The following DNASE1 variants were observed in gnomAD, a reference collection of about 807,000 sequenced individuals.
DNASE1 encodes deoxyribonuclease 1.
DNASE1 carries 40 observed loss-of-function variants against 33.9 expected under a neutral mutation model. That is an observed-to-expected ratio of 1.18 (90% confidence interval 0.92 to 1.54). The LOEUF is 1.54. Ranked by LOEUF, DNASE1 falls within the 40% of genes most tolerant of loss-of-function variation. The pLI is 0.00. For synonymous variants in DNASE1, 216 were observed against 160.0 expected, an observed-to-expected ratio of 1.35 and a Z score of -2.64; for missense variants, 518 against 372.6, an observed-to-expected ratio of 1.39 and a Z score of -3.21.
chr16:3,657,570 AC>A, intron 7 of DNASE1, 149 bp from the exon 8 acceptor site: 1 of 1,243,438 alleles, frequency 8.0e-7, no homozygotes, highest in Non-Finnish European at 1.1e-6. Context: ...TGTGGTTTCC[AC>A]ATTGAGGGGC....
chr16:3,659,652 C>A (rs1375949231), downstream of DNASE1: 1 of 152,088 alleles, frequency 6.6e-6, no homozygotes, highest in African/African-American at 2.4e-5. Context: ...TACAACCTCT[C>A]CAGAGGACAA....
downstream of DNASE1, chr16:3,658,280 C>T (rs571604280): frequency 2.7e-4 from 376 of 1,375,370 alleles, 4 homozygotes; most frequent in African/African-American, 4.7e-3. Flanking sequence ...GGCACCTTTT[C>T]ATTTTTTTTT....
chr16:3,660,658 C>T (rs982989508), downstream of DNASE1: 5 of 152,204 alleles, frequency 3.3e-5, no homozygotes, highest in Non-Finnish European at 5.9e-5. Context: ...AGCCTTTCCC[C>T]AGGAGTGCCA....
chr16:3,627,592 T>A (rs2151171749), intron 1 of DNASE1, among the ~76,000 whole-genome samples: 1 of 152,308 alleles, frequency 6.6e-6, no homozygotes, highest in Non-Finnish European at 1.5e-5. Flanking sequence ...TTGTTTCCTA[T>A]GACTTTGATA....
intron 1 of DNASE1, among the ~76,000 whole-genome samples, chr16:3,613,741 C>G (rs2040992364): frequency 1.3e-5 from 2 of 151,866 alleles, no homozygotes; most frequent in Middle Eastern, 3.4e-3. Flanking sequence ...AATAATTTCT[C>G]TTTCCTTCCT....
rs1449997411 is a variant in DNASE1 at position 3,657,111 on chromosome 16, G to A, written c.549G>A (p.Glu183=). The change falls in exon 6 of 9, where the codon GAG becomes GAA. Residue 183 remains glutamate, a splice_region_variant and synonymous_variant. Coordinates refer to ENST00000246949, the MANE Select transcript of DNASE1 (RefSeq NM_005223.4). ...ATGTCCAAGAGAAATGGGGCTTGGA[G>A]GTGAGGCCCTCCCAGGGGCAGTGGG... The part of the protein sequence containing the change: ...YLDVQEKWGL[E]DVMLMGDFNA... 5 of 1,614,016 alleles carry A rather than the reference G, an allele frequency of 3.1e-6. No homozygotes were observed. The African/African-American group carries it at 5.3e-5, about 17-fold the overall frequency.
chr16:3,663,765 A>G (rs906893769), exon 10 of DNASE1: 6 of 611,156 alleles, frequency 9.8e-6, no homozygotes, highest in Non-Finnish European at 1.7e-5. Flanking sequence ...AGGCAGAAGC[A>G]CTCCACGCAT....
intron 1 of DNASE1, among the ~76,000 whole-genome samples, chr16:3,613,657 G>C (rs540647919): frequency 6.6e-6 from 1 of 152,350 alleles, no homozygotes; most frequent in South Asian, 2.1e-4. Context: ...AGAGGCAAGG[G>C]TAGGGCAGGG....
intron 3 of DNASE1, 74 bp downstream of exon 3, chr16:3,656,011 A>C (rs1351183278): frequency 5.6e-6 from 9 of 1,609,920 alleles, no homozygotes; most frequent in Non-Finnish European, 7.6e-6. Context: ...TTGGGCCCCA[A>C]GGGTGGGGAC....
At chr16:3,615,422 TGTTA>T (rs1425624580) in intron 1 of DNASE1, among the ~76,000 whole-genome samples, 2 of 152,156 alleles carry the variant, frequency 1.3e-5, no homozygotes, top group African/African-American at 4.8e-5. Context: ...GGGTTCATGC[TGTTA>T]GTTAGAAGTC....
Position 3,658,053 on chromosome 16 carries a change from C to G in DNASE1, c.*100C>G. On this transcript the variant is annotated 3_prime_UTR_variant, in exon 9 of 9. Coordinates refer to ENST00000246949, the MANE Select transcript of DNASE1 (RefSeq NM_005223.4). ...AACACACACTCGGGTTAAGAAATAC[C>G]TTTAAATTTAGGTAAATAAAGCTCA... 6.2e-7 allele frequency: 1 copy of G among 1,607,810 alleles called. No individual in the cohort carries two copies. The highest frequency in any genetic ancestry group is 1.1e-5 in the South Asian group (1 of 90,550).
rs577643596 is a variant in DNASE1, at chr16:3,633,819, A to T, written c.-1358-6896A>T. ...AAGCGAAATTATTATTTTTATTATT[A>T]TTTTTTTAAGACCGAGTCTCGCTCT... On this transcript the variant is annotated intron_variant and NMD_transcript_variant, in intron 1 of 11. Transcript: ENST00000570769. Among the ~76,000 whole-genome samples the T allele has an allele frequency of 1.8e-3, 275 of 151,732 alleles. 3 individuals carry two copies. Among genetic ancestry groups the T allele is most frequent in the African/African-American group, 6.3e-3 (259 of 41,390 alleles).
At chr16:3,628,589 G>T (rs185365574) in intron 1 of DNASE1, among the ~76,000 whole-genome samples, 6 of 150,646 alleles carry the variant, frequency 4.0e-5, no homozygotes, top group Non-Finnish European at 1.5e-5. Flanking sequence ...ATGGAATCTC[G>T]CTGTGTCGCC....
rs566802223 is a variant in DNASE1 at position 3,664,811 on chromosome 16, G to T, written c.*6858G>T. 1.2e-3 allele frequency: 295 copies of T among 239,072 alleles called. 3 individuals carry two copies. The highest frequency in any genetic ancestry group is 6.4e-3 in the African/African-American group (275 of 43,008). 14.8% of individuals were successfully genotyped at this position (239,072 alleles called of 1,614,324 possible). ...TCAGTGACAGAGTCAGTCTCTGGTGGGCACACGGACACGGGTGAAGTCCAC... is the reference window on the plus strand; with the variant it reads ...TCAGTGACAGAGTCAGTCTCTGGTGTGCACACGGACACGGGTGAAGTCCAC... On this transcript the variant is annotated 3_prime_UTR_variant, in exon 10 of 10. Coordinates refer to the DNASE1 transcript ENST00000407479.
chr16:3,623,166 T>C (rs1290984250), intron 1 of DNASE1, among the ~76,000 whole-genome samples: 2 of 152,122 alleles, frequency 1.3e-5, no homozygotes, highest in Non-Finnish European at 1.5e-5. Flanking sequence ...TGGGACAGAA[T>C]AGAGAACCCA....
chr16:3,612,593 G>T (rs1228505180), intron 1 of DNASE1, among the ~76,000 whole-genome samples: 19 of 143,426 alleles, frequency 1.3e-4, no homozygotes, highest in South Asian at 6.8e-4. Context: ...GGTGGGGGCG[G>T]GGGGGGGAGT....
At chr16:3,652,679 T>A (rs1396594601), upstream of DNASE1, 2 of 152,360 alleles carry the variant, frequency 1.3e-5, no homozygotes, top group African/African-American at 4.8e-5. Flanking sequence ...GGCGTGTCTT[T>A]ATGGAATGGG....
At chr16:3,619,578 G>A (rs1406698176) in intron 1 of DNASE1, among the ~76,000 whole-genome samples, 1 of 143,884 alleles carries the variant, frequency 7.0e-6, no homozygotes, top group Non-Finnish European at 1.5e-5. Flanking sequence ...AGCCAGGATG[G>A]TCTCTATCTG....
At chr16:3,636,557 C>T (rs1255873223) in intron 1 of DNASE1, among the ~76,000 whole-genome samples, 1 of 152,146 alleles carries the variant, frequency 6.6e-6, no homozygotes, top group Non-Finnish European at 1.5e-5. Context: ...CATGGTGGCT[C>T]ACGCCTGTAA....
Sources: allele counts gnomAD v4.1 joint callset (sites outside exome capture counted in the v4.1 genomes callset), GRCh38; gene constraint gnomAD v4.1.1; transcripts MANE v1.5; gene names NCBI Gene and HGNC (gene_info 2026-07-23, HGNC 2026-07-21).